The following VPS45 variants were observed in gnomAD, a reference collection of about 807,000 sequenced individuals.
VPS45 encodes vacuolar protein sorting-associated protein 45.
A neutral mutation model predicts 75.9 loss-of-function variants in VPS45; 35 were observed. That is an observed-to-expected ratio of 0.46 (90% CI 0.35 to 0.61). The LOEUF (loss-of-function observed/expected upper bound fraction) is 0.61, where lower values mean the gene tolerates loss of function less well. VPS45 is among the 20% of genes least tolerant of loss of function. VPS45 has a pLI of 0.00. For synonymous variants in VPS45, 220 were observed against 238.2 expected, an observed-to-expected ratio of 0.92 and a Z score of 0.70; for missense variants, 559 against 685.9, an observed-to-expected ratio of 0.81 and a Z score of 2.07.
At chr1:150,095,718 A>T (rs587611467) in intron 13 of VPS45, among the ~76,000 whole-genome samples, 1 of 152,322 alleles carries the variant, frequency 6.6e-6, no homozygotes. Context: ...TGGCAAGTTA[A>T]TGGAACAGAA....
At chr1:150,112,045 C>G (rs1359049927) in intron 14 of VPS45, among the ~76,000 whole-genome samples, 1 of 152,088 alleles carries the variant, frequency 6.6e-6, no homozygotes, top group East Asian at 1.9e-4. Flanking sequence ...AAACTTGGGC[C>G]AATTACTAAC....
At chr1:150,075,648 C>T (rs1472847154) in intron 3 of VPS45, among the ~76,000 whole-genome samples, 4 of 152,140 alleles carry the variant, frequency 2.6e-5, no homozygotes, top group Non-Finnish European at 5.9e-5. Context: ...AATTTTCCCT[C>T]ATCTATTTGG....
chr1:150,081,889 G>A lies in VPS45; in HGVS notation c.828G>A (p.Met276Ile). 1 of 1,606,526 alleles carries A rather than the reference G, an allele frequency of 6.2e-7. No homozygotes were observed. The highest frequency in any genetic ancestry group is 8.5e-7 in the Non-Finnish European group (1 of 1,174,682). Residue 276 changes from methionine to isoleucine, a missense_variant, in exon 9 of 15, where the codon ATG becomes ATA. Coordinates refer to ENST00000644510, the MANE Select transcript of VPS45 (RefSeq NM_007259.5). ...TCCAACTTTCTTTTTCACAGAATAT[G>A]TACCTGAACTTTGCTGAGATTGGTA... ...AENDEFYANN[M>I]YLNFAEIGSN...
intron 10 of VPS45, among the ~76,000 whole-genome samples, chr1:150,085,600 T>C (rs587713087): frequency 3.2e-4 from 48 of 152,206 alleles, no homozygotes; most frequent in African/African-American, 1.0e-3. Flanking sequence ...TGATAGTAAG[T>C]GGATGTCAGG....
At chr1:150,075,760 C>T (rs1457574891) in intron 3 of VPS45, among the ~76,000 whole-genome samples, 1 of 151,910 alleles carries the variant, frequency 6.6e-6, no homozygotes, top group Non-Finnish European at 1.5e-5. Context: ...TCTCATTCTC[C>T]AATTCCTCCG....
At chr1:150,107,173 A>T (rs1657374809) in intron 13 of VPS45, among the ~76,000 whole-genome samples, 1 of 152,182 alleles carries the variant, frequency 6.6e-6, no homozygotes, top group Admixed American at 6.5e-5. Context: ...GATAAAACTC[A>T]TCTATTCCCA....
Position 150,082,742 on chromosome 1 carries a change from C to T in VPS45, c.963C>T (p.Phe321=), listed in dbSNP as rs1655786654. Residue 321 remains phenylalanine, a synonymous_variant, in exon 10 of 15, where the codon TTC becomes TTT. Transcript: ENST00000644510. ...MKAFVENYPQ[F]KKMSGTVSKH... ...CGTTTGTTGAGAATTATCCACAGTT[C>T]AAGAAAATGTCTGGGACTGTTTCAA... is the stretch of plus-strand genomic sequence containing the variant. 5 of 1,613,536 alleles carry T rather than the reference C, an allele frequency of 3.1e-6. No individual in the cohort carries two copies. Among genetic ancestry groups the T allele is most frequent in the Non-Finnish European group, 4.2e-6 (5 of 1,179,856 alleles).
At chr1:150,125,888 A>G (rs1658490698) in intron 14 of VPS45, among the ~76,000 whole-genome samples, 2 of 151,846 alleles carry the variant, frequency 1.3e-5, no homozygotes, top group African/African-American at 4.8e-5. Flanking sequence ...GGCTTTCACC[A>G]TCTTGGCCAG....
intron 13 of VPS45, among the ~76,000 whole-genome samples, chr1:150,102,496 C>G (rs1328839213): frequency 1.3e-5 from 2 of 149,624 alleles, no homozygotes; most frequent in African/African-American, 4.9e-5. Flanking sequence ...TTGTGGTGAC[C>G]CAAGATTGTG....
intron 10 of VPS45, among the ~76,000 whole-genome samples, chr1:150,084,821 C>T (rs1553800338): frequency 6.6e-6 from 1 of 152,122 alleles, no homozygotes; most frequent in East Asian, 1.9e-4. Context: ...TGATTTCAAA[C>T]TTTCAGACTG....
At chr1:150,140,486 G>A (rs1419752718) in intron 14 of VPS45, among the ~76,000 whole-genome samples, 1 of 150,958 alleles carries the variant, frequency 6.6e-6, no homozygotes, top group Non-Finnish European at 1.5e-5. Flanking sequence ...AGTAATATGT[G>A]TACACCATTA....
intron 13 of VPS45, among the ~76,000 whole-genome samples, chr1:150,104,507 C>T (rs1327003093): frequency 6.6e-6 from 1 of 152,026 alleles, no homozygotes; most frequent in African/African-American, 2.4e-5. Context: ...ATGATGATTT[C>T]CTTTCCTTTG....
chr1:150,137,177 A>G (rs910731520), intron 14 of VPS45, among the ~76,000 whole-genome samples: 4 of 152,338 alleles, frequency 2.6e-5, no homozygotes, highest in Admixed American at 6.5e-5. Context: ...CAGGGATTAC[A>G]GGTGTGAGCC....
chr1:150,099,239 G>A (rs587630445), intron 13 of VPS45, among the ~76,000 whole-genome samples: 1 of 152,058 alleles, frequency 6.6e-6, no homozygotes, highest in African/African-American at 2.4e-5. Context: ...TCTCATGCTT[G>A]TAATCCCAGC....
chr1:150,081,180 G>A (rs1299099697), intron 7 of VPS45, among the ~76,000 whole-genome samples, 162 bp from the exon 8 acceptor site: 1 of 152,130 alleles, frequency 6.6e-6, no homozygotes, highest in African/African-American at 2.4e-5. Context: ...TAAAATGACA[G>A]TCTTAATGCT....
chr1:150,069,571 C>A (rs1553796580), intron 2 of VPS45, among the ~76,000 whole-genome samples: 9 of 151,192 alleles, frequency 6.0e-5, no homozygotes. Context: ...ATTCTCCTGC[C>A]TCAGCCTCCC....
chr1:150,135,055 T>G (rs1014600089), intron 14 of VPS45, among the ~76,000 whole-genome samples: 1 of 152,076 alleles, frequency 6.6e-6, no homozygotes, highest in Non-Finnish European at 1.5e-5. Context: ...ATTTTTCATA[T>G]TAGGATATGA....
intron 14 of VPS45, among the ~76,000 whole-genome samples, chr1:150,117,729 G>A (rs1463419984): frequency 6.6e-5 from 10 of 150,992 alleles, no homozygotes; most frequent in African/African-American, 1.9e-4. Flanking sequence ...GTGTGGTGGC[G>A]CCACCTGTGG....
upstream of VPS45, chr1:150,067,634 G>GCAGCGGCCCAGGCCGTCT: frequency 2.0e-6 from 1 of 512,014 alleles, no homozygotes; most frequent in Non-Finnish European, 3.5e-6. Context: ...CCCGCGCGTG[G>GCAGCGGCCCAGGCCGTCT]CAGCGGCCCA....
Sources: gnomAD v4.1 joint callset for allele counts (sites outside exome capture counted in the v4.1 genomes callset) on GRCh38, gnomAD v4.1.1 for gene constraint, MANE v1.5 for transcripts, NCBI Gene and HGNC (gene_info 2026-07-23, HGNC 2026-07-21) for gene names.